LRRC43: variants seen among roughly 807,000 people sequenced by gnomAD.
LRRC43 encodes the protein leucine-rich repeat-containing protein 43.
LRRC43 carries 62 observed loss-of-function variants against 64.3 expected under a neutral mutation model. The observed-to-expected ratio is 0.96, with a 90% CI of 0.79 to 1.19. The LOEUF (loss-of-function observed/expected upper bound fraction) is 1.19, where lower values mean the gene tolerates loss of function less well. Ranked by LOEUF, LRRC43 falls within the 50% of genes most tolerant of loss-of-function variation. LRRC43 has a pLI of 0.00. For synonymous variants in LRRC43, 422 were observed against 382.3 expected, an observed-to-expected ratio of 1.10 and a Z score of -1.21; for missense variants, 868 against 845.0, an observed-to-expected ratio of 1.03 and a Z score of -0.34.
At chr12:122,176,227 G>T (rs1953536050) in intron 1 of LRRC43, among the ~76,000 whole-genome samples, 1 of 152,198 alleles carries the variant, frequency 6.6e-6, no homozygotes, top group African/African-American at 2.4e-5. Context: ...GAAGGAGCCA[G>T]TTGTGGGAAG....
upstream of LRRC43, among the ~76,000 whole-genome samples, chr12:122,180,861 C>T (rs1953575283): frequency 1.3e-5 from 2 of 152,154 alleles, no homozygotes; most frequent in African/African-American, 4.8e-5. Context: ...ATTGCAGGAG[C>T]CATATCTGTG....
chr12:122,172,668 G>T (rs79201004), intron 1 of LRRC43: 12 of 1,613,998 alleles, frequency 7.4e-6, no homozygotes, highest in Non-Finnish European at 9.3e-6. Flanking sequence ...GATGTTGTTT[G>T]GCGGCTGGGC....
intron 10 of LRRC43, 93 bp from the exon 11 acceptor site, chr12:122,201,203 C>A: frequency 7.7e-7 from 1 of 1,302,006 alleles, no homozygotes; most frequent in Non-Finnish European, 1.1e-6. Context: ...CTGGACCTGT[C>A]AGAGCCTTGG....
chr12:122,187,376 A>G (rs1248619039), intron 3 of LRRC43: 2 of 229,402 alleles, frequency 8.7e-6, no homozygotes, highest in Non-Finnish European at 1.7e-5. Flanking sequence ...TTATCCATCT[A>G]GGAGCCCTTT....
intron 4 of LRRC43, chr12:122,189,528 C>T (rs1355849950): frequency 4.4e-6 from 2 of 456,338 alleles, no homozygotes; most frequent in East Asian, 6.9e-5. Context: ...GGAAAGTCAC[C>T]CTGCCCCTGC....
At chr12:122,174,396 G>A (rs1953518934) in intron 1 of LRRC43, among the ~76,000 whole-genome samples, 1 of 152,220 alleles carries the variant, frequency 6.6e-6, no homozygotes, top group Non-Finnish European at 1.5e-5. Flanking sequence ...TACCCTCCAG[G>A]TGGGCAGATG....
chr12:122,199,493 A>G (rs1428726556), intron 7 of LRRC43, among the ~76,000 whole-genome samples: 1 of 151,476 alleles, frequency 6.6e-6, no homozygotes, highest in East Asian at 1.9e-4. Flanking sequence ...TGTGTTAGCC[A>G]GCATGGTCTC....
At chr12:122,201,354 A>G in intron 11 of LRRC43, 25 bp downstream of exon 11, 2 of 1,612,010 alleles carry the variant, frequency 1.2e-6, no homozygotes, top group Non-Finnish European at 1.7e-6. Context: ...TGGTGACCAA[A>G]GGCAGGGATT....
intron 1 of LRRC43, chr12:122,172,449 T>A (rs1456292227): frequency 1.2e-6 from 2 of 1,614,114 alleles, no homozygotes; most frequent in Non-Finnish European, 1.7e-6. Flanking sequence ...GGTCAATGAT[T>A]TTAGTGCGAG....
In LRRC43 at chr12:122,190,330, A is replaced by G. The variant is rs201800249; in HGVS notation, c.863A>G (p.Asn288Ser). 5.6e-4 allele frequency: 907 copies of G among 1,614,118 alleles called. 1 individual carries two copies. Among genetic ancestry groups the G allele is most frequent in the Middle Eastern group, 1.3e-3 (8 of 6,062 alleles). Reference protein sequence around the residue: ...CVLDDITVSPNEKHLFRGLSL... With the variant: ...CVLDDITVSPSEKHLFRGLSL... ...CTGGACGACATCACCGTGTCTCCCA[A>G]TGAGAAGCATCTCTTCCGGGGGCTC... Residue 288 changes from asparagine (N) to serine (S), a missense_variant, in exon 5 of 12, where the codon AAT (asparagine) becomes AGT (serine). Coordinates refer to ENST00000339777, the MANE Select transcript of LRRC43 (RefSeq NM_001098519.2).
At chr12:122,179,383 G>A (rs971245919), upstream of LRRC43, among the ~76,000 whole-genome samples, 5 of 152,180 alleles carry the variant, frequency 3.3e-5, no homozygotes, top group South Asian at 1.0e-3. Flanking sequence ...TGCGACTGTA[G>A]GTGCAAGCCA....
intron 4 of LRRC43, 29 bp from the exon 5 acceptor site, chr12:122,190,101 A>AC (rs1953697452): frequency 1.3e-6 from 2 of 1,588,290 alleles, no homozygotes; most frequent in African/African-American, 2.7e-5. Context: ...TGGCTTCTTG[A>AC]CCCCCAGACG....
chr12:122,193,273 C>T (rs1303370063), intron 7 of LRRC43, among the ~76,000 whole-genome samples: 5 of 149,306 alleles, frequency 3.3e-5, no homozygotes, highest in Admixed American at 2.7e-4. Context: ...CCCAGCTACT[C>T]GGGAGGCTGA....
rs1459643559 is a variant in LRRC43, at chr12:122,187,700, G to A, written c.523-1G>A. On this transcript the variant is annotated splice_acceptor_variant, in intron 3 of 11. Transcript: ENST00000339777. LOFTEE classifies it high-confidence loss of function. The stretch of plus-strand genomic sequence containing the variant: ...CCCGGGCCTTCCGTGTGGTCTCCCA[G>A]GTGCTGGAGCTCTACGGCAATGAGA... 6.2e-7 allele frequency: 1 copy of A among 1,613,288 alleles called. No individual in the cohort carries two copies. Among genetic ancestry groups the A allele is most frequent in the South Asian group, 1.1e-5 (1 of 91,086 alleles).
At chr12:122,193,254 G>A (rs1467673688) in intron 7 of LRRC43, among the ~76,000 whole-genome samples, 2 of 151,788 alleles carry the variant, frequency 1.3e-5, no homozygotes, top group Non-Finnish European at 2.9e-5. Flanking sequence ...GGTGGCAGGC[G>A]CCTGTAGTCC....
chr12:122,181,521 C>T (rs10437809), upstream of LRRC43, among the ~76,000 whole-genome samples: 336 of 142,718 alleles, frequency 2.4e-3, 2 homozygotes, highest in African/African-American at 8.4e-3. Context: ...CCAGCCTGGA[C>T]GGCAGAGGGA....
At chr12:122,181,368 C>A (rs1953579324), upstream of LRRC43, among the ~76,000 whole-genome samples, 1 of 150,964 alleles carries the variant, frequency 6.6e-6, no homozygotes, top group Non-Finnish European at 1.5e-5. Flanking sequence ...ACGGTGAAAC[C>A]CCGTCTCTAC....
At chr12:122,191,666 ATTT>A in intron 6 of LRRC43, 99 bp downstream of exon 6, 1 of 970,786 alleles carries the variant, frequency 1.0e-6, no homozygotes, top group Non-Finnish European at 1.5e-6. Flanking sequence ...TAATTAATTT[ATTT>A]ATTGAGGAGG....
chr12:122,184,789 G>C lies in LRRC43; in HGVS notation c.411+10G>C, dbSNP rs1292371514. The C allele has an allele frequency of 6.3e-7, 1 of 1,588,070 alleles. No individual in the cohort carries two copies. The highest frequency in any genetic ancestry group is 8.6e-7 in the Non-Finnish European group (1 of 1,167,196). On this transcript the variant is annotated intron_variant, in intron 2 of 11. Coordinates refer to ENST00000339777, the MANE Select transcript of LRRC43 (RefSeq NM_001098519.2). This position sits in a 1 kb window ranked among gnomAD's most constrained non-coding sequence, Gnocchi z 4.0. ...GGTAATAGACAAGAAGGTCAGTGCT[G>C]GGCACGTGGTAGGTGATGTTAGGGT...
Sources: gnomAD v4.1 joint callset for allele counts (sites outside exome capture counted in the v4.1 genomes callset) on GRCh38, gnomAD v4.1.1 for gene constraint, Gnocchi (gnomAD v3.1) non-coding constraint, MANE v1.5 for transcripts, NCBI Gene and HGNC (gene_info 2026-07-23, HGNC 2026-07-21) for gene names.